The following CACNB4 variants were observed in gnomAD, a reference collection of about 807,000 sequenced individuals.
CACNB4 encodes calcium voltage-gated channel auxiliary subunit beta 4.
CACNB4 carries 32 observed loss-of-function variants against 71.2 expected under a neutral mutation model. The observed-to-expected ratio is 0.45, with a 90% CI of 0.34 to 0.60. CACNB4 has a LOEUF of 0.60. Ranked by LOEUF, CACNB4 falls within the 20% of genes least tolerant of loss-of-function variation. CACNB4 has a pLI of 0.01. For synonymous variants in CACNB4, 231 were observed against 236.9 expected (o/e 0.97, Z 0.23); for missense variants, 464 against 647.9 (o/e 0.72, Z 3.08).
intron 2 of CACNB4, among the ~76,000 whole-genome samples, chr2:152,053,589 T>A (rs1166874006): frequency 6.6e-6 from 1 of 150,786 alleles, no homozygotes; most frequent in Non-Finnish European, 1.5e-5. Context: ...AGTGGTGTGA[T>A]CACAGCTCAC....
chr2:151,889,558 T>G (rs2099850230), intron 2 of CACNB4, among the ~76,000 whole-genome samples: 1 of 151,928 alleles, frequency 6.6e-6, no homozygotes. Flanking sequence ...TTTGTGCCCA[T>G]TTTTCTCTGT....
chr2:151,999,220 G>A (rs1168892024), intron 2 of CACNB4, among the ~76,000 whole-genome samples: 1 of 151,998 alleles, frequency 6.6e-6, no homozygotes, highest in Non-Finnish European at 1.5e-5. Flanking sequence ...GCCCAGAACG[G>A]TGCTCCCCTT....
rs1023004768 is a variant in CACNB4, at chr2:151,833,310, A to C, written c.*5809T>G. On this transcript the variant is annotated 3_prime_UTR_variant, in exon 14 of 14. Transcript: ENST00000539935. ...AAAACACAGCTAATGGCTTTAACTT[A>C]TGTTTCAAAGTAGTATTCAGTACAA... is the stretch of plus-strand genomic sequence containing the variant. 1.3e-5 allele frequency: 2 copies of C among 152,108 alleles called. No individual in the cohort carries two copies. The highest frequency in any genetic ancestry group is 4.8e-5 in the African/African-American group (2 of 41,438). The allele number at this position is 152,108 out of a possible 1,614,324, so 9.4% of individuals were successfully genotyped here.
At chr2:151,861,898 G>C (rs891874412) in intron 9 of CACNB4, among the ~76,000 whole-genome samples, 3 of 148,822 alleles carry the variant, frequency 2.0e-5, no homozygotes, top group Non-Finnish European at 3.0e-5. Context: ...AAATGCAGAG[G>C]GGCATCTATT....
intron 8 of CACNB4, chr2:151,870,168 T>G (rs1322389808): frequency 1.6e-6 from 1 of 644,806 alleles, no homozygotes; most frequent in Non-Finnish European, 2.8e-6. Flanking sequence ...GAAGATTGAT[T>G]GTTTGTCCTC....
At chr2:151,941,234 T>C (rs903065557) in intron 2 of CACNB4, among the ~76,000 whole-genome samples, 1 of 152,022 alleles carries the variant, frequency 6.6e-6, no homozygotes, top group African/African-American at 2.4e-5. Flanking sequence ...TGTGTAAAAG[T>C]TTAAATTATA....
chr2:152,062,764 GA>G (rs1019960385), intron 2 of CACNB4, among the ~76,000 whole-genome samples: 1 of 152,234 alleles, frequency 6.6e-6, no homozygotes, highest in Non-Finnish European at 1.5e-5. Flanking sequence ...CACGGGAGGA[GA>G]GGGAACTTCC....
intron 2 of CACNB4, among the ~76,000 whole-genome samples, chr2:152,034,719 T>G (rs1386119108): frequency 6.6e-6 from 1 of 152,206 alleles, no homozygotes; most frequent in Non-Finnish European, 1.5e-5. Flanking sequence ...ACAGAGTTGC[T>G]GCTTTCTACA....
intron 2 of CACNB4, among the ~76,000 whole-genome samples, chr2:152,016,996 A>ACGCCTGTAATCCC (rs1232362967): frequency 3.1e-4 from 43 of 140,154 alleles, no homozygotes; most frequent in African/African-American, 1.4e-3. Flanking sequence ...GTAGAACTGC[A>ACGCCTGTAATCCC]AGTTTAACCC....
At chr2:152,054,413 T>C (rs1685621792) in intron 2 of CACNB4, among the ~76,000 whole-genome samples, 1 of 151,044 alleles carries the variant, frequency 6.6e-6, no homozygotes, top group Admixed American at 6.6e-5. Flanking sequence ...AGTGACTGTA[T>C]GACAGTAGAG....
intron 2 of CACNB4, among the ~76,000 whole-genome samples, chr2:151,975,254 A>T (rs563461150): frequency 6.6e-6 from 1 of 152,364 alleles, no homozygotes; most frequent in East Asian, 1.9e-4. Context: ...CTGTCCTTCC[A>T]GCCAGTATCT....
intron 2 of CACNB4, among the ~76,000 whole-genome samples, chr2:152,042,766 A>G (rs1674546038): frequency 6.6e-6 from 1 of 152,134 alleles, no homozygotes; most frequent in African/African-American, 2.4e-5. Context: ...GCTGCGTAAA[A>G]TAAGGCCGAG....
chr2:151,960,614 G>T (rs562311048), intron 2 of CACNB4, among the ~76,000 whole-genome samples: 1 of 152,270 alleles, frequency 6.6e-6, no homozygotes, highest in South Asian at 2.1e-4. Context: ...GGAGGGGCAT[G>T]CTCTTACCAT....
chr2:151,867,343 C>T (rs1190185681), intron 9 of CACNB4: 2 of 152,188 alleles, frequency 1.3e-5, no homozygotes, highest in African/African-American at 4.8e-5. Context: ...AAGACCAGCC[C>T]TATTAAGTTA....
intron 2 of CACNB4, among the ~76,000 whole-genome samples, chr2:151,914,582 T>C (rs2099857001): frequency 6.6e-6 from 1 of 152,226 alleles, no homozygotes; most frequent in Admixed American, 6.5e-5. Context: ...CATTTTTCAT[T>C]GATTCTTTCT....
intron 2 of CACNB4, among the ~76,000 whole-genome samples, chr2:151,908,925 G>A (rs767128263): frequency 1.3e-5 from 2 of 151,492 alleles, no homozygotes; most frequent in African/African-American, 4.8e-5. Flanking sequence ...AGATATTTCC[G>A]CATTTTCTTT....
chr2:151,884,945 T>G (rs2680980), intron 2 of CACNB4, among the ~76,000 whole-genome samples: 148,444 of 152,292 alleles, frequency 0.97, 72,345 homozygotes, highest in East Asian at 1. Context: ...GTCCACTGAG[T>G]GGGGGAAAAA....
chr2:152,087,021 A>T (rs925995600), intron 2 of CACNB4, among the ~76,000 whole-genome samples: 8 of 152,170 alleles, frequency 5.3e-5, no homozygotes, highest in Middle Eastern at 3.4e-3. Context: ...AATCCCAGCT[A>T]CTCGGGAGGC....
At chr2:152,075,626 G>A (rs932333409) in intron 2 of CACNB4, among the ~76,000 whole-genome samples, 4 of 152,170 alleles carry the variant, frequency 2.6e-5, no homozygotes, top group African/African-American at 9.7e-5. Context: ...CTTGGCCTGA[G>A]AGCCTCAGGT....
Sources: allele counts gnomAD v4.1 joint callset (sites outside exome capture counted in the v4.1 genomes callset), GRCh38; gene constraint gnomAD v4.1.1; transcripts MANE v1.5; gene names NCBI Gene and HGNC (gene_info 2026-07-23, HGNC 2026-07-21).